Variants in KCNH2 observed in about 807,000 individuals in gnomAD.
The protein encoded by KCNH2 is voltage-gated inwardly rectifying potassium channel KCNH2.
Under a neutral mutation model 95.9 loss-of-function variants are expected in KCNH2, and 35 were observed. The observed-to-expected ratio is 0.37, with a 90% CI of 0.28 to 0.48. The LOEUF (loss-of-function observed/expected upper bound fraction) is 0.48, where lower values mean the gene tolerates loss of function less well. Ranked by LOEUF, KCNH2 falls within the 20% of genes least tolerant of loss-of-function variation. The pLI is 0.99. For missense variants in KCNH2, 1,274 were observed against 1,702.9 expected, an observed-to-expected ratio of 0.75 and a Z score of 4.43; for synonymous variants, 786 against 754.7, an observed-to-expected ratio of 1.04 and a Z score of -0.68.
In KCNH2 at chr7:150,947,889, CAG is replaced by C. The variant is rs1800976948; in HGVS notation, c.2693-13_2693-12del. ...CTGGCTGCTCCGTGTCTGTGGGAAA[CAG>C]AGAATGGGCCTCAGAGAGGGGAGGA... On this transcript the variant is annotated splice_polypyrimidine_tract_variant and intron_variant, in intron 11 of 14. Coordinates refer to ENST00000262186, the MANE Select transcript of KCNH2 (RefSeq NM_000238.4). The C allele has an allele frequency of 6.5e-7, 1 of 1,530,136 alleles. No individual in the cohort carries two copies. Among genetic ancestry groups the C allele is most frequent in the Non-Finnish European group, 8.7e-7 (1 of 1,144,588 alleles). 94.8% of individuals were successfully genotyped at this position (1,530,136 alleles called of 1,614,324 possible). A position where few individuals can be genotyped will look rare whatever the true frequency, so the allele number is the denominator to read the frequency against.
At chr7:150,961,000 C>G (rs765188012) in intron 2 of KCNH2, among the ~76,000 whole-genome samples, 1 of 152,194 alleles carries the variant, frequency 6.6e-6, no homozygotes, top group Admixed American at 6.5e-5. Flanking sequence ...GTTAACAGCC[C>G]GCTCCAGCTC....
Position 150,946,804 on chromosome 7 carries a change from G to T in KCNH2, c.3330+73C>A. The T allele has an allele frequency of 7.1e-7, 1 of 1,413,242 alleles. No homozygotes were observed. Among genetic ancestry groups the T allele is most frequent in the Non-Finnish European group, 9.8e-7 (1 of 1,022,174 alleles). 87.5% of individuals were successfully genotyped at this position (1,413,242 alleles called of 1,614,324 possible). A position where few individuals can be genotyped will look rare whatever the true frequency, so the allele number is the denominator to read the frequency against. ...GGCCACAGAGCCCAGCAGAAAGGCA[G>T]CAAAGCAGGTTTGGGCTGGAATCGG... On this transcript the variant is annotated intron_variant, in intron 14 of 14. Coordinates refer to ENST00000262186, the MANE Select transcript of KCNH2 (RefSeq NM_000238.4). This position sits in a 1 kb window ranked among gnomAD's most constrained non-coding sequence, Gnocchi z 6.5.
At position 150,946,956 on chromosome 7, in the gene KCNH2, G is replaced by C. The variant is rs762510312; in HGVS notation, c.3251C>G (p.Pro1084Arg). ...GGATGTGGAAGTGGGGCCAGGCCCC[G>C]GGGTGGTCACAGCACTGTAGGCGGG... ...VPPAYSAVTT[P>R]GPGPTSTSPL... The change falls in exon 14 of 15, where the codon CCG (proline) becomes CGG (arginine). Residue 1084 changes from proline to arginine, a missense_variant. Physicochemically the swap from Pro to Arg is moderately radical, Grantham distance 103. This residue lies in a region of KCNH2 where 457 missense variants were observed against 416.1 expected (regional missense o/e 1.10). Coordinates refer to ENST00000262186, the MANE Select transcript of KCNH2 (RefSeq NM_000238.4). The surrounding 1 kb of genome is among the most constrained non-coding windows in gnomAD (Gnocchi z 6.5). The C allele has an allele frequency of 3.1e-6, 5 of 1,606,744 alleles. No homozygotes were observed. The highest frequency in any genetic ancestry group is 1.7e-6 in the Non-Finnish European group (2 of 1,175,018).
Position 150,951,831 on chromosome 7 carries a change from A to G in KCNH2, c.1562T>C (p.Ile521Thr). ...CAGCCGCGCAGTCTTCAGCAGCCCGATCAGCTGGGGGACAGGGAAGGGGCA... is the reference window on the plus strand; with the variant it reads ...CAGCCGCGCAGTCTTCAGCAGCCCGGTCAGCTGGGGGACAGGGAAGGGGCA... ...LIFGSGSEELIGLLKTARLLR... is the reference protein window; with the variant it reads ...LIFGSGSEELTGLLKTARLLR... The change falls in exon 7 of 15, where the codon ATC (isoleucine) becomes ACC (threonine). Residue 521 changes from isoleucine (I) to threonine (T), a missense_variant. Ile to Thr is a moderately conservative substitution (Grantham distance 89). Around this residue, in one of 7 missense-constraint regions of KCNH2, gnomAD observed 147 missense variants for 344.4 expected, o/e 0.43. Coordinates refer to ENST00000262186, the MANE Select transcript of KCNH2 (RefSeq NM_000238.4). 6.4e-7 allele frequency: 1 copy of G among 1,572,364 alleles called. No individual in the cohort carries two copies. The highest frequency in any genetic ancestry group is 8.7e-7 in the Non-Finnish European group (1 of 1,155,158).
chr7:150,955,395 C>A, intron 5 of KCNH2: 1 of 1,556,904 alleles, frequency 6.4e-7, no homozygotes, highest in Non-Finnish European at 8.7e-7. Context: ...GTGTCACCTA[C>A]CTCCTGGGCC....
At position 150,945,461 on chromosome 7, in the gene KCNH2, G is replaced by A. The variant is rs2116917718; in HGVS notation, c.3384C>T (p.Pro1128=). ...AGAGGCGTCGTGTGGGGCCTTCTTG[G>A]GGAAGCTCTGGGGCCCCCGGGGGCA... is the stretch of plus-strand genomic sequence containing the variant. ...EELPPGAPEL[P]QEGPTRRLSL... Residue 1128 remains proline (P), a synonymous_variant, in exon 15 of 15, where the codon CCC becomes CCT. Transcript: ENST00000262186. The surrounding 1 kb of genome is among the most constrained non-coding windows in gnomAD (Gnocchi z 5.6). 2 of 1,559,072 alleles carry A rather than the reference G, an allele frequency of 1.3e-6. No individual in the cohort carries two copies. The highest frequency in any genetic ancestry group is 1.2e-5 in the South Asian group (1 of 84,666).
Position 150,945,541 on chromosome 7 carries a change from G to T in KCNH2, c.3331-27C>A, listed in dbSNP as rs1800860673. 5.1e-6 allele frequency: 8 copies of T among 1,555,154 alleles called. No individual in the cohort carries two copies. The highest frequency in any genetic ancestry group is 7.0e-6 in the Non-Finnish European group (8 of 1,149,322). ...TGCAATACACACAGAGCATGGGCAG[G>T]CGAAGAGGCCATGGAGGAGGAGGAA... On this transcript the variant is annotated intron_variant, in intron 14 of 14. Transcript: ENST00000262186. This position sits in a 1 kb window ranked among gnomAD's most constrained non-coding sequence, Gnocchi z 5.6.
At chr7:150,951,346 G>GA in intron 7 of KCNH2, 102 bp downstream of exon 7, 5 of 1,307,484 alleles carry the variant, frequency 3.8e-6, no homozygotes, top group South Asian at 1.2e-5. Context: ...GAGTCTCTAA[G>GA]TTCCAGGGCC....
chr7:150,956,128 G>A (rs927148146), intron 5 of KCNH2, among the ~76,000 whole-genome samples: 15 of 152,240 alleles, frequency 9.9e-5, no homozygotes, highest in East Asian at 5.8e-4. Context: ...ACATACAGGC[G>A]CACATGCACA....
chr7:150,977,914 C>A lies in KCNH2; in HGVS notation c.-1G>T, dbSNP rs763858537. ...CGACGTGGCCCCTCCGCACCGGCAT[C>A]CTGAGCCCATGGGCGGGCCGGGCGG... On this transcript the variant is annotated 5_prime_UTR_variant, in exon 1 of 15. Coordinates refer to ENST00000262186, the MANE Select transcript of KCNH2 (RefSeq NM_000238.4). The A allele has an allele frequency of 1.2e-5, 19 of 1,601,874 alleles. 1 individual carries two copies. In the South Asian group the frequency reaches 2.1e-4, roughly 18 times the overall value.
Position 150,977,140 on chromosome 7 carries a change from AT to A in KCNH2, c.76+697del, listed in dbSNP as rs1801998734. On this transcript the variant is annotated intron_variant, in intron 1 of 14. Transcript: ENST00000262186. Reference sequence around the variant, plus strand: ...CTGTACTCCCGGTCCCCATAAGGGAATTAGGTGACAGTCTCCAGGGCAAGAA... The same window carrying A: ...CTGTACTCCCGGTCCCCATAAGGGAATAGGTGACAGTCTCCAGGGCAAGAA... Among the ~76,000 whole-genome samples, 3 of 152,214 alleles carry A rather than the reference AT, an allele frequency of 2.0e-5. No individual in the cohort carries two copies. The South Asian group carries it at 6.2e-4, about 32-fold the overall frequency.
chr7:150,974,950 G>C lies in KCNH2; in HGVS notation c.77-9C>G, dbSNP rs1311500123. 1 of 1,581,820 alleles carries C rather than the reference G, an allele frequency of 6.3e-7. No homozygotes were observed. The highest frequency in any genetic ancestry group is 2.3e-5 in the East Asian group (1 of 43,722). On this transcript the variant is annotated splice_polypyrimidine_tract_variant and intron_variant, in intron 1 of 14. Coordinates refer to ENST00000262186, the MANE Select transcript of KCNH2 (RefSeq NM_000238.4). ...GATGATGAACTTACGGCCTAGGGGG[G>C]CGGGGAGGAGAGTGCGCGTGAGCGG...
rs1060503994 is a variant in KCNH2, at chr7:150,974,781, G to A, written c.237C>T (p.Ala79=). ...LHGPRTQRRA[A]AQIAQALLGA... Reference sequence around the variant, plus strand: ...CCAGCAGTGCCTGCGCGATCTGCGCGGCAGCGCGGCGCTGCGTGCGCGGCC... The same window carrying A: ...CCAGCAGTGCCTGCGCGATCTGCGCAGCAGCGCGGCGCTGCGTGCGCGGCC... The change falls in exon 2 of 15, where the codon GCC becomes GCT. Residue 79 remains alanine, a synonymous_variant. Coordinates refer to ENST00000262186, the MANE Select transcript of KCNH2 (RefSeq NM_000238.4). 3 of 1,605,406 alleles carry A rather than the reference G, an allele frequency of 1.9e-6. No individual in the cohort carries two copies. The highest frequency in any genetic ancestry group is 2.6e-6 in the Non-Finnish European group (3 of 1,176,406).
intron 6 of KCNH2, 33 bp from the exon 7 acceptor site, chr7:150,951,868 T>TGGGGCAAGG: frequency 2.0e-6 from 3 of 1,537,486 alleles, no homozygotes; most frequent in Non-Finnish European, 2.6e-6. Flanking sequence ...ATTCCGTTGA[T>TGGGGCAAGG]GGGGCAAGGG....
At chr7:150,966,069 G>A (rs1436315171) in intron 2 of KCNH2, among the ~76,000 whole-genome samples, 1 of 152,222 alleles carries the variant, frequency 6.6e-6, no homozygotes, top group East Asian at 1.9e-4. Flanking sequence ...CCCAAGGGAA[G>A]GCGGCAAAAG....
intron 1 of KCNH2, among the ~76,000 whole-genome samples, chr7:150,976,026 A>G (rs1563191627): frequency 6.6e-6 from 1 of 152,244 alleles, no homozygotes. Context: ...CTGGCGAGTG[A>G]GCAGCAGGCA....
At chr7:150,976,384 G>A (rs1801980383) in intron 1 of KCNH2, among the ~76,000 whole-genome samples, 2 of 152,058 alleles carry the variant, frequency 1.3e-5, no homozygotes, top group African/African-American at 4.8e-5. Context: ...GACCTCCCAG[G>A]CAGCCATCAA....
chr7:150,957,092 C>T (rs1801399275), intron 5 of KCNH2, among the ~76,000 whole-genome samples, 199 bp downstream of exon 5: 1 of 152,294 alleles, frequency 6.6e-6, no homozygotes, highest in East Asian at 1.9e-4. Flanking sequence ...CCAGTCCCCT[C>T]TCCAGGACTT....
Position 150,961,795 on chromosome 7 carries a change from G to A in KCNH2, c.308-2059C>T, listed in dbSNP as rs746423056. On this transcript the variant is annotated intron_variant, in intron 2 of 14. Transcript: ENST00000262186. The surrounding 1 kb of genome is among the most constrained non-coding windows in gnomAD (Gnocchi z 6.2). ...CCTGACAGTGAGGTCAAGGGGCTGCGTGCTGGGGAGGCAGGGAGCAGGCCA... is the reference window on the plus strand; with the variant it reads ...CCTGACAGTGAGGTCAAGGGGCTGCATGCTGGGGAGGCAGGGAGCAGGCCA... Among the ~76,000 whole-genome samples the A allele has an allele frequency of 2.6e-5, 4 of 152,194 alleles. No homozygotes were observed. Among genetic ancestry groups the A allele is most frequent in the East Asian group, 1.9e-4 (1 of 5,178 alleles).
Sources: allele counts gnomAD v4.1 joint callset (sites outside exome capture counted in the v4.1 genomes callset), GRCh38; gene constraint gnomAD v4.1.1; regional missense constraint gnomAD v4.1.1; non-coding constraint Gnocchi (gnomAD v3.1); transcripts MANE v1.5; gene names NCBI Gene and HGNC (gene_info 2026-07-23, HGNC 2026-07-21).